Variants in TTC7B observed in about 807,000 individuals in gnomAD.
TTC7B encodes tetratricopeptide repeat domain 7B.
TTC7B carries 28 observed loss-of-function variants against 106.8 expected under a neutral mutation model. The ratio of observed to expected loss-of-function variants is 0.26; its 90% confidence interval spans 0.19 to 0.36. The LOEUF (loss-of-function observed/expected upper bound fraction) is 0.36. Among genes scored for constraint, TTC7B ranks in the 10% least tolerant of loss-of-function variants. The probability of loss-of-function intolerance (pLI) is 1.00; values close to 1 mark genes in which losing one functional copy is unlikely to be tolerated. For missense variants in TTC7B, 862 were observed against 1,076.4 expected (o/e 0.80, Z 2.79); for synonymous variants, 405 against 430.6 (o/e 0.94, Z 0.74).
intron 17 of TTC7B, chr14:90,603,254 A>G: frequency 7.8e-7 from 1 of 1,289,566 alleles, no homozygotes; most frequent in South Asian, 1.2e-5. Flanking sequence ...ACTACTTACT[A>G]ACTGAAAAAA....
intron 19 of TTC7B, among the ~76,000 whole-genome samples, chr14:90,547,958 T>C (rs144431943): frequency 5.3e-5 from 8 of 152,294 alleles, no homozygotes; most frequent in African/African-American, 1.9e-4. Flanking sequence ...GGAGAAGCCA[T>C]TGCTGAAAAG....
intron 5 of TTC7B, among the ~76,000 whole-genome samples, chr14:90,699,549 TA>T (rs918417770): frequency 6.6e-5 from 10 of 152,126 alleles, no homozygotes; most frequent in African/African-American, 2.4e-4. Flanking sequence ...GTAGTGTGAA[TA>T]AAAGACTGGG....
chr14:90,610,806 T>C lies in TTC7B; in HGVS notation c.1902A>G (p.Arg634=). 6.2e-7 allele frequency: 1 copy of C among 1,614,018 alleles called. No individual in the cohort carries two copies. The highest frequency in any genetic ancestry group is 1.1e-5 in the South Asian group (1 of 91,072). ...DSGRGSSLLD[R]TIADRRQLNT... is the part of the protein sequence containing the mutation. The stretch of plus-strand genomic sequence containing the variant: ...TAAGCTGTCGTCTGTCAGCAATGGT[T>C]CTATCTAAGAGGCTGCTCCCACGTC... The change falls in exon 17 of 20, where the codon AGA becomes AGG. Residue 634 remains arginine (R), a synonymous_variant. Coordinates refer to ENST00000328459, the MANE Select transcript of TTC7B (RefSeq NM_001010854.2).
chr14:90,563,685 T>A (rs986097351), intron 19 of TTC7B, among the ~76,000 whole-genome samples: 8 of 152,216 alleles, frequency 5.3e-5, no homozygotes, highest in Non-Finnish European at 1.2e-4. Flanking sequence ...GCATTTTACC[T>A]ACAGCAGAAC....
intron 18 of TTC7B, among the ~76,000 whole-genome samples, chr14:90,592,388 G>T (rs572809622): frequency 6.6e-6 from 1 of 152,168 alleles, no homozygotes; most frequent in Non-Finnish European, 1.5e-5. Flanking sequence ...TCTTGGAAGC[G>T]CAGTGTAGTG....
rs946257061 is a variant in TTC7B, at chr14:90,624,840, T to C, written c.1752-6795A>G. ...ACGGGAACCTTGAACATTTCGTATC[T>C]TGTGCTGATCTGTGTTTGCGAGCTC... is the stretch of plus-strand genomic sequence containing the variant. On this transcript the variant is annotated intron_variant, in intron 15 of 19. Coordinates refer to ENST00000328459, the MANE Select transcript of TTC7B (RefSeq NM_001010854.2). This position sits in a 1 kb window ranked among gnomAD's most constrained non-coding sequence, Gnocchi z 4.0. Among the ~76,000 whole-genome samples the C allele has an allele frequency of 1.3e-5, 2 of 152,228 alleles. No individual in the cohort carries two copies. The highest frequency in any genetic ancestry group is 1.3e-4 in the Admixed American group (2 of 15,290).
At chr14:90,569,179 A>G (rs1890922009) in intron 19 of TTC7B, among the ~76,000 whole-genome samples, 1 of 152,194 alleles carries the variant, frequency 6.6e-6, no homozygotes, top group African/African-American at 2.4e-5. Context: ...TCCTTAAGGC[A>G]GTGGTGAAAG....
At chr14:90,684,897 A>G (rs1887197069) in intron 7 of TTC7B, among the ~76,000 whole-genome samples, 1 of 152,244 alleles carries the variant, frequency 6.6e-6, no homozygotes, top group Non-Finnish European at 1.5e-5. Context: ...ACTCTAAAAA[A>G]TAAGTAAACT....
Position 90,532,432 on chromosome 14 carries a change from G to A in TTC7B, c.*8936C>T, listed in dbSNP as rs993808923. 2 of 152,128 alleles carry A rather than the reference G, an allele frequency of 1.3e-5. No individual in the cohort carries two copies. The highest frequency in any genetic ancestry group is 4.8e-5 in the African/African-American group (2 of 41,420). The allele number at this position is 152,128 out of a possible 1,614,324, so 9.4% of individuals were successfully genotyped here. ...GGCCAGCCCTTTTGCAAACTGGCTGGGCCTAGTCATCTGGTACAAAGTGGC... is the reference window on the plus strand; with the variant it reads ...GGCCAGCCCTTTTGCAAACTGGCTGAGCCTAGTCATCTGGTACAAAGTGGC... On this transcript the variant is annotated 3_prime_UTR_variant, in exon 20 of 20. Coordinates refer to ENST00000328459, the MANE Select transcript of TTC7B (RefSeq NM_001010854.2).
At chr14:90,673,225 C>A (rs775950253) in intron 9 of TTC7B, among the ~76,000 whole-genome samples, 8 of 152,206 alleles carry the variant, frequency 5.3e-5, no homozygotes, top group African/African-American at 9.7e-5. Flanking sequence ...ACAATTTATT[C>A]ATAAAGACAG....
intron 2 of TTC7B, among the ~76,000 whole-genome samples, chr14:90,785,177 G>A (rs1185696425): frequency 4.6e-5 from 7 of 152,266 alleles, no homozygotes; most frequent in Non-Finnish European, 7.4e-5. Context: ...ACAGCAAGTC[G>A]GGAGCAGGCT....
chr14:90,528,158 C>T lies in TTC7B; in HGVS notation c.*13210G>A, dbSNP rs1889191369. ...CATGGAAACAGGAATGGGTGACAGC[C>T]CCACGCTCCCCTGCTGTGAGCCTCC... is the stretch of plus-strand genomic sequence containing the variant. On this transcript the variant is annotated 3_prime_UTR_variant, in exon 20 of 20. Coordinates refer to ENST00000328459, the MANE Select transcript of TTC7B (RefSeq NM_001010854.2). The T allele has an allele frequency of 1.3e-5, 2 of 152,088 alleles. No homozygotes were observed. Among genetic ancestry groups the T allele is most frequent in the Admixed American group, 6.5e-5 (1 of 15,272 alleles). The allele number at this position is 152,088 out of a possible 1,614,324, so 9.4% of individuals were successfully genotyped here.
chr14:90,566,775 CT>C (rs1411939964), intron 19 of TTC7B, among the ~76,000 whole-genome samples: 2 of 152,188 alleles, frequency 1.3e-5, no homozygotes, highest in Admixed American at 6.5e-5. Flanking sequence ...AGAGGCTCCC[CT>C]TTAGCTAAGG....
At chr14:90,809,588 G>A (rs1035135102) in intron 1 of TTC7B, among the ~76,000 whole-genome samples, 2 of 152,240 alleles carry the variant, frequency 1.3e-5, no homozygotes, top group Admixed American at 6.5e-5. Flanking sequence ...CTTGCAGGAC[G>A]CCATTTCTCA....
At chr14:90,758,142 T>C (rs1304358337) in intron 3 of TTC7B, among the ~76,000 whole-genome samples, 4 of 151,624 alleles carry the variant, frequency 2.6e-5, no homozygotes, top group Non-Finnish European at 5.9e-5. Context: ...TCAAGAGAGT[T>C]GGCAAGTTTG....
chr14:90,598,134 A>G (rs906255513), intron 17 of TTC7B, among the ~76,000 whole-genome samples: 10 of 152,170 alleles, frequency 6.6e-5, no homozygotes, highest in Non-Finnish European at 2.9e-5. Flanking sequence ...CTAGGAGACA[A>G]TGCGCCTCTC....
At chr14:90,797,218 G>A (rs1279118645) in intron 1 of TTC7B, among the ~76,000 whole-genome samples, 1 of 105,024 alleles carries the variant, frequency 9.5e-6, no homozygotes, top group African/African-American at 2.6e-5. Flanking sequence ...ACTTTGGGGG[G>A]CCAAGGTGGG....
At position 90,570,709 on chromosome 14, in the gene TTC7B, A is replaced by G; in HGVS notation, c.2310+7397T>C. The stretch of plus-strand genomic sequence containing the variant: ...ACTCACTGTCAAACAGACGCAAAGG[A>G]TCTCCCAGCCCAGGCGCGACCTGGA... On this transcript the variant is annotated intron_variant, in intron 19 of 19. Transcript: ENST00000328459. The surrounding 1 kb of genome is among the most constrained non-coding windows in gnomAD (Gnocchi z 4.0). 6.6e-6 allele frequency among the ~76,000 whole-genome samples: 1 copy of G among 152,142 alleles called. No homozygotes were observed. Among genetic ancestry groups the G allele is most frequent in the East Asian group, 1.9e-4 (1 of 5,198 alleles).
chr14:90,590,063 G>A (rs1459548350), intron 18 of TTC7B, among the ~76,000 whole-genome samples: 1 of 152,192 alleles, frequency 6.6e-6, no homozygotes, highest in Non-Finnish European at 1.5e-5. Flanking sequence ...CACAGAACCG[G>A]TGACAGTGGT....
Sources: allele counts gnomAD v4.1 joint callset (sites outside exome capture counted in the v4.1 genomes callset), GRCh38; gene constraint gnomAD v4.1.1; non-coding constraint Gnocchi (gnomAD v3.1); transcripts MANE v1.5; gene names NCBI Gene and HGNC (gene_info 2026-07-23, HGNC 2026-07-21).